CLCN6: variants seen among roughly 807,000 people sequenced by gnomAD.
CLCN6 encodes Cl-/H+ antiporter 6, also known as H(+)/Cl(-) exchange transporter 6.
In CLCN6, 70 loss-of-function variants were observed where a neutral mutation model predicts 109.8. The ratio of observed to expected loss-of-function variants is 0.64; its 90% CI spans 0.53 to 0.78. The LOEUF (loss-of-function observed/expected upper bound fraction) is 0.78. CLCN6 is among the 30% of genes least tolerant of loss of function. The probability of loss-of-function intolerance (pLI) is 0.00; values close to 1 mark genes in which losing one functional copy is unlikely to be tolerated. For synonymous variants in CLCN6, 444 were observed against 447.8 expected (o/e 0.99, Z 0.11); for missense variants, 984 against 1,142.3 (o/e 0.86, Z 2.00).
At chr1:11,837,237 G>A in intron 19 of CLCN6, 81 bp downstream of exon 19, 2 of 1,587,674 alleles carry the variant, frequency 1.3e-6, no homozygotes, top group Non-Finnish European at 1.7e-6. Flanking sequence ...TTGTGAGGTG[G>A]CTCCTGAGTT....
chr1:11,823,518 C>A (rs77204442), intron 6 of CLCN6, among the ~76,000 whole-genome samples, 189 bp from the exon 7 acceptor site: 2 of 152,084 alleles, frequency 1.3e-5, no homozygotes, highest in Non-Finnish European at 2.9e-5. Flanking sequence ...CTCCCATTGC[C>A]CCTCAGACCT....
chr1:11,837,342 G>C lies in CLCN6; in HGVS notation c.2139-1G>C, dbSNP rs376998492. On this transcript the variant is annotated splice_acceptor_variant, in intron 19 of 22. Transcript: ENST00000346436. LOFTEE classifies it high-confidence loss of function. ...GGCAGCATCTGGTTTTTGTGTAACA[G>C]ATACACTCCCTACCCCAACCTATAC... 16 of 1,608,164 alleles carry C rather than the reference G, an allele frequency of 9.9e-6. No homozygotes were observed. Among genetic ancestry groups the C allele is most frequent in the Non-Finnish European group, 6.0e-6 (7 of 1,175,136 alleles).
intron 2 of CLCN6, among the ~76,000 whole-genome samples, chr1:11,808,905 T>G (rs551359208): frequency 6.6e-6 from 1 of 151,974 alleles, no homozygotes; most frequent in Non-Finnish European, 1.5e-5. Context: ...AGTGCCCAGG[T>G]TGGAGTGCAA....
rs1553120454 is a variant in CLCN6 at position 11,830,737 on chromosome 1, T to TTTTA, written c.1248+1416_1248+1417insTTAT. ...CAGTGTCCCCAGTTATATGTATATA[T>TTTTA]TATATATATATATATATATATATAT... On this transcript the variant is annotated intron_variant, in intron 13 of 22. Transcript: ENST00000346436. Among the ~76,000 whole-genome samples the TTTTA allele has an allele frequency of 3.6e-4, 33 of 91,124 alleles. 2 individuals are homozygous for TTTTA. Among genetic ancestry groups the TTTTA allele is most frequent in the African/African-American group, 1.0e-3 (26 of 25,110 alleles). The allele number at this position is 91,124 out of a possible 152,430, so 59.8% of individuals were successfully genotyped here.
intron 4 of CLCN6, among the ~76,000 whole-genome samples, chr1:11,818,152 A>T (rs1434773086): frequency 6.6e-6 from 1 of 152,052 alleles, no homozygotes; most frequent in East Asian, 1.9e-4. Flanking sequence ...ATTTTGCTAT[A>T]TATGTTTCTG....
chr1:11,842,003 T>A lies in CLCN6; in HGVS notation c.*1780T>A, dbSNP rs903515757. ...ATTTAAATGTTACTATTTGGCCAGC[T>A]GCTGCTGTGTTTTATGGCAGTGTTC... On this transcript the variant is annotated 3_prime_UTR_variant, in exon 23 of 23. Coordinates refer to ENST00000346436, the MANE Select transcript of CLCN6 (RefSeq NM_001286.5). 1 of 152,278 alleles carries A rather than the reference T, an allele frequency of 6.6e-6. No individual in the cohort carries two copies. The highest frequency in any genetic ancestry group is 1.5e-5 in the Non-Finnish European group (1 of 68,044). The allele number at this position is 152,278 out of a possible 1,614,324, so 9.4% of individuals were successfully genotyped here.
At chr1:11,827,430 CTTTTTT>C (rs59015951) in intron 10 of CLCN6, among the ~76,000 whole-genome samples, 2 of 105,020 alleles carry the variant, frequency 1.9e-5, no homozygotes, top group African/African-American at 4.0e-5. Flanking sequence ...ACCGCTGTTA[CTTTTTT>C]TTTTTTTTTT....
At chr1:11,816,463 T>C in intron 3 of CLCN6, 152 bp from the exon 4 acceptor site, 1 of 689,584 alleles carries the variant, frequency 1.5e-6, no homozygotes, top group Non-Finnish European at 2.5e-6. Context: ...TCCATCATTT[T>C]TGCACTGTAA....
chr1:11,823,206 G>C (rs1224717460), intron 6 of CLCN6, among the ~76,000 whole-genome samples: 3 of 152,116 alleles, frequency 2.0e-5, no homozygotes, highest in Non-Finnish European at 4.4e-5. Context: ...GTGCAAGTCT[G>C]GCCACTTTGG....
At chr1:11,816,582 G>A (rs1485526078) in intron 3 of CLCN6, 33 bp from the exon 4 acceptor site, 1 of 1,599,658 alleles carries the variant, frequency 6.3e-7, no homozygotes, top group Admixed American at 1.7e-5. Context: ...CCATAACCCT[G>A]TAAACTGAAT....
intron 2 of CLCN6, among the ~76,000 whole-genome samples, chr1:11,809,648 G>A (rs1156651953): frequency 1.3e-5 from 2 of 152,008 alleles, no homozygotes; most frequent in Non-Finnish European, 2.9e-5. Flanking sequence ...AGTAGAGATG[G>A]GGTTTCACCA....
chr1:11,820,440 CTT>C, intron 5 of CLCN6: 1 of 711,432 alleles, frequency 1.4e-6, no homozygotes. Context: ...GGAATAATTT[CTT>C]AAAACTCCAG....
chr1:11,822,078 G>GTT (rs70987205), intron 5 of CLCN6, among the ~76,000 whole-genome samples: 47 of 146,768 alleles, frequency 3.2e-4, no homozygotes, highest in Middle Eastern at 3.5e-3. Context: ...AAGGAAAACT[G>GTT]TTTTTTTTTT....
rs779826807 is a variant in CLCN6 at position 11,834,559 on chromosome 1, C to T, written c.1762C>T (p.Leu588=). Residue 588 remains leucine, a synonymous_variant, in exon 17 of 23, where the codon CTG becomes TTG. Transcript: ENST00000346436. This position sits in a 1 kb window ranked among gnomAD's most constrained non-coding sequence, Gnocchi z 4.5. ...CGTGGGCCTGCGAGGCGTGCCGCTT[C>T]TGGAATGGGAGACAGAGGTGGAAAT... is the stretch of plus-strand genomic sequence containing the variant. ...IHVGLRGVPL[L]EWETEVEMDK... 2.5e-5 allele frequency: 40 copies of T among 1,613,972 alleles called. No individual in the cohort carries two copies. The highest frequency in any genetic ancestry group is 3.3e-5 in the Non-Finnish European group (39 of 1,180,038).
chr1:11,815,943 C>A (rs756042968), intron 3 of CLCN6, 32 bp downstream of exon 3: 9 of 1,528,046 alleles, frequency 5.9e-6, no homozygotes, highest in Non-Finnish European at 8.2e-6. Flanking sequence ...CTCTGGGGAT[C>A]AAATCAGTCT....
chr1:11,833,810 C>T (rs116250834), intron 14 of CLCN6, 67 bp from the exon 15 acceptor site: 2 of 1,570,038 alleles, frequency 1.3e-6, no homozygotes, highest in African/African-American at 1.4e-5. Flanking sequence ...TGTGGTCGGG[C>T]CCGGTAGGTC....
Position 11,838,587 on chromosome 1 carries a change from A to T in CLCN6, c.2456A>T (p.His819Leu). 6.2e-7 allele frequency: 1 copy of T among 1,613,250 alleles called. No homozygotes were observed. Among genetic ancestry groups the T allele is most frequent in the Non-Finnish European group, 8.5e-7 (1 of 1,179,410 alleles). Residue 819 changes from histidine to leucine, a missense_variant, in exon 22 of 23, where the codon CAC becomes CTC. Transcript: ENST00000346436. ...PSPFTVSPNT[H>L]VSQVFNLFRT... is the part of the protein sequence containing the mutation. ...CCTTTCACCGTCTCGCCCAACACCCACGTCTCCCAAGTCTTCAACCTGTTC... is the reference window on the plus strand; with the variant it reads ...CCTTTCACCGTCTCGCCCAACACCCTCGTCTCCCAAGTCTTCAACCTGTTC...
intron 18 of CLCN6, 122 bp downstream of exon 18, chr1:11,836,275 T>C: frequency 1.2e-6 from 1 of 843,492 alleles, no homozygotes; most frequent in Non-Finnish European, 1.8e-6. Context: ...AAGTTGGCAC[T>C]GTTCTCATCA....
intron 14 of CLCN6, 114 bp downstream of exon 14, chr1:11,833,752 A>G: frequency 1.3e-6 from 2 of 1,565,198 alleles, no homozygotes; most frequent in Non-Finnish European, 8.7e-7. Context: ...CCACCCAGAC[A>G]AAAGATTGGT....
Sources: gnomAD v4.1 joint callset for allele counts (sites outside exome capture counted in the v4.1 genomes callset) on GRCh38, gnomAD v4.1.1 for gene constraint, Gnocchi (gnomAD v3.1) non-coding constraint, MANE v1.5 for transcripts, NCBI Gene and HGNC (gene_info 2026-07-23, HGNC 2026-07-21) for gene names.